CTXND1: variants seen among roughly 807,000 people sequenced by gnomAD.
CTXND1 encodes cortexin domain-containing 1 protein.
intron 1 of CTXND1, among the ~76,000 whole-genome samples, chr15:80,237,624 C>G (rs191156564): frequency 5.9e-5 from 9 of 152,240 alleles, no homozygotes; most frequent in African/African-American, 1.9e-4. Flanking sequence ...AAACACCTTA[C>G]AGAATAAGGC....
intron 1 of CTXND1, among the ~76,000 whole-genome samples, chr15:80,235,763 T>C (rs1893487954): frequency 6.6e-6 from 1 of 151,798 alleles, no homozygotes; most frequent in Non-Finnish European, 1.5e-5. Flanking sequence ...TCCCTTCTTC[T>C]CCTCAACAGG....
chr15:80,242,914 T>A (rs1303694597), intron 1 of CTXND1, among the ~76,000 whole-genome samples: 2 of 152,154 alleles, frequency 1.3e-5, no homozygotes, highest in African/African-American at 4.8e-5. Context: ...GATTTTACCA[T>A]CTCATGCATG....
intron 1 of CTXND1, among the ~76,000 whole-genome samples, chr15:80,209,255 C>G: frequency 6.6e-6 from 1 of 152,192 alleles, no homozygotes; most frequent in East Asian, 1.9e-4. Flanking sequence ...GCTCATTAAC[C>G]TTAATTACCA....
In CTXND1 at chr15:80,231,404, GA is replaced by G. The variant is rs57955140; in HGVS notation, c.-218+20602del. Among the ~76,000 whole-genome samples, 1,855 of 134,872 alleles carry G rather than the reference GA, an allele frequency of 0.014. 87 individuals carry two copies. The East Asian group carries it at 0.16, about 12-fold the overall frequency. The allele number at this position is 134,872 out of a possible 152,430, so 88.5% of individuals were successfully genotyped here. On this transcript the variant is annotated intron_variant, in intron 1 of 2. Transcript: ENST00000560778. Reference sequence around the variant, plus strand: ...ATCCTGCATTTAAAAAAAAAGAAAAGAAAAAAAAAAAGAAAAAACTTCTCCT... The same window carrying G: ...ATCCTGCATTTAAAAAAAAAGAAAAGAAAAAAAAAAGAAAAAACTTCTCCT...
intron 1 of CTXND1, among the ~76,000 whole-genome samples, chr15:80,224,529 T>A (rs1449974645): frequency 6.6e-6 from 1 of 152,196 alleles, no homozygotes; most frequent in Non-Finnish European, 1.5e-5. Context: ...CAAGATTGTC[T>A]TGGATATTCC....
Position 80,201,756 on chromosome 15 carries a change from A to G in CTXND1, c.*14T>C, listed in dbSNP as rs1595902519. ...CCACAGAGCGCCAGGTCCAGTCCCCACAGCCGCTGTGCCTCAGTCGTCCAG... is the reference window on the plus strand; with the variant it reads ...CCACAGAGCGCCAGGTCCAGTCCCCGCAGCCGCTGTGCCTCAGTCGTCCAG... On this transcript the variant is annotated 3_prime_UTR_variant, in exon 3 of 3. Coordinates refer to ENST00000560778, the MANE Select transcript of CTXND1 (RefSeq NM_001352888.2). The G allele has an allele frequency of 7.5e-6, 3 of 398,652 alleles. No homozygotes were observed. The highest frequency in any genetic ancestry group is 2.6e-4 in the South Asian group (2 of 7,842). The allele number at this position is 398,652 out of a possible 1,614,324, so 24.7% of individuals were successfully genotyped here. A position where few individuals can be genotyped will look rare whatever the true frequency, so the allele number is the denominator to read the frequency against.
intron 1 of CTXND1, among the ~76,000 whole-genome samples, chr15:80,226,902 G>T (rs1893378177): frequency 6.6e-6 from 1 of 152,194 alleles, no homozygotes; most frequent in Admixed American, 6.5e-5. Flanking sequence ...GGGATGTAAA[G>T]AGTGAAGAGA....
chr15:80,212,877 A>G (rs1033553033), intron 1 of CTXND1, among the ~76,000 whole-genome samples: 3 of 152,212 alleles, frequency 2.0e-5, no homozygotes, highest in African/African-American at 7.2e-5. Context: ...CCCTTCAGGA[A>G]AAAAGGGAGG....
At chr15:80,224,209 C>T (rs1893349498) in intron 1 of CTXND1, among the ~76,000 whole-genome samples, 2 of 152,172 alleles carry the variant, frequency 1.3e-5, no homozygotes, top group Admixed American at 6.5e-5. Context: ...GTGAAGAAGA[C>T]TTTCAGAAGA....
chr15:80,205,686 TC>T (rs1476675389), intron 1 of CTXND1, among the ~76,000 whole-genome samples: 3 of 152,306 alleles, frequency 2.0e-5, no homozygotes, highest in Middle Eastern at 6.8e-3. Context: ...CCCTCGTTCA[TC>T]TTTCTTACTG....
intron 1 of CTXND1, among the ~76,000 whole-genome samples, chr15:80,245,643 G>C (rs1015590568): frequency 6.6e-6 from 1 of 152,152 alleles, no homozygotes; most frequent in Non-Finnish European, 1.5e-5. Flanking sequence ...AAGGACAGGG[G>C]GCATGGACTC....
intron 1 of CTXND1, among the ~76,000 whole-genome samples, chr15:80,208,497 G>T (rs545379051): frequency 5.9e-5 from 9 of 152,268 alleles, no homozygotes; most frequent in Middle Eastern, 3.4e-3. Flanking sequence ...TTAAGACCTA[G>T]AAAAGTACAA....
At chr15:80,212,946 G>A (rs1382879847) in intron 1 of CTXND1, among the ~76,000 whole-genome samples, 1 of 152,210 alleles carries the variant, frequency 6.6e-6, no homozygotes, top group African/African-American at 2.4e-5. Context: ...AAAGGGTGGA[G>A]ACTTCAAAAA....
rs2041441447 is a variant in CTXND1, at chr15:80,200,188, G to A, written c.*1582C>T. On this transcript the variant is annotated 3_prime_UTR_variant, in exon 3 of 3. Transcript: ENST00000560778. ...GGTGCCAGGCTCTGTAGGGGCAGGGGGCACCCAGAACCTCTGCTCCTCCCA... is the reference window on the plus strand; with the variant it reads ...GGTGCCAGGCTCTGTAGGGGCAGGGAGCACCCAGAACCTCTGCTCCTCCCA... The A allele has an allele frequency of 6.6e-6, 1 of 152,186 alleles. No homozygotes were observed. Among genetic ancestry groups the A allele is most frequent in the Admixed American group, 6.6e-5 (1 of 15,260 alleles). The allele number at this position is 152,186 out of a possible 1,614,324, so 9.4% of individuals were successfully genotyped here. A position where few individuals can be genotyped will look rare whatever the true frequency, so the allele number is the denominator to read the frequency against.
At chr15:80,212,730 G>A (rs921224020) in intron 1 of CTXND1, among the ~76,000 whole-genome samples, 9 of 152,166 alleles carry the variant, frequency 5.9e-5, no homozygotes, top group African/African-American at 2.2e-4. Flanking sequence ...TTTTTCAAAT[G>A]TTATATCAGC....
intron 1 of CTXND1, among the ~76,000 whole-genome samples, chr15:80,235,178 G>A (rs1269306453): frequency 4.6e-5 from 7 of 152,180 alleles, no homozygotes; most frequent in South Asian, 2.1e-4. Context: ...CCAGCCTGGC[G>A]GAGCAGATGG....
intron 1 of CTXND1, among the ~76,000 whole-genome samples, chr15:80,248,000 G>T (rs1050664372): frequency 4.6e-5 from 7 of 152,200 alleles, no homozygotes; most frequent in African/African-American, 1.4e-4. Flanking sequence ...AGCTATCGTA[G>T]AGGGCACCAG....
chr15:80,220,762 G>A (rs899040474), intron 1 of CTXND1, among the ~76,000 whole-genome samples: 2 of 151,508 alleles, frequency 1.3e-5, no homozygotes, highest in Admixed American at 1.3e-4. Flanking sequence ...TTATTTCTAG[G>A]TATTTTGTGG....
Position 80,196,556 on chromosome 15 carries a change from A to G in CTXND1, c.*5214T>C, listed in dbSNP as rs1234038955. The G allele has an allele frequency of 2.0e-5, 3 of 152,218 alleles. No homozygotes were observed. The highest frequency in any genetic ancestry group is 4.4e-5 in the Non-Finnish European group (3 of 68,040). The allele number at this position is 152,218 out of a possible 1,614,324, so 9.4% of individuals were successfully genotyped here. A position where few individuals can be genotyped will look rare whatever the true frequency, so the allele number is the denominator to read the frequency against. ...GTTCCACTTACCCGGGACTGGCTAC[A>G]TTATGATTTAAGTTGCAGGAGGGAG... On this transcript the variant is annotated 3_prime_UTR_variant, in exon 3 of 3. Coordinates refer to ENST00000560778, the MANE Select transcript of CTXND1 (RefSeq NM_001352888.2).
Sources: allele counts gnomAD v4.1 joint callset (sites outside exome capture counted in the v4.1 genomes callset), GRCh38; gene constraint gnomAD v4.1.1; transcripts MANE v1.5; gene names NCBI Gene and HGNC (gene_info 2026-07-23, HGNC 2026-07-21).